The following SMAD1 variants were observed in gnomAD, a reference collection of about 807,000 sequenced individuals.
The protein encoded by SMAD1 is MAD, mothers against decapentaplegic homolog 1.
Under a neutral mutation model 41.6 loss-of-function variants are expected in SMAD1, and 6 were observed. The ratio of observed to expected loss-of-function variants is 0.14; its 90% confidence interval spans 0.08 to 0.28. The LOEUF (loss-of-function observed/expected upper bound fraction) is 0.28, where lower values mean the gene tolerates loss of function less well. Ranked by LOEUF, SMAD1 falls within the 10% of genes least tolerant of loss-of-function variation. SMAD1 has a pLI of 1.00. For synonymous variants in SMAD1, 206 were observed against 203.2 expected (o/e 1.01, Z -0.12); for missense variants, 379 against 582.6 (o/e 0.65, Z 3.60).
chr4:145,483,359 T>G (rs1290777348), intron 1 of SMAD1, among the ~76,000 whole-genome samples: 2 of 152,250 alleles, frequency 1.3e-5, no homozygotes, highest in Admixed American at 1.3e-4. Flanking sequence ...TCTCTGGGTC[T>G]AATTGCCTGT....
intron 1 of SMAD1, among the ~76,000 whole-genome samples, chr4:145,495,616 CTTTTTTT>C (rs58468364): frequency 1.6e-5 from 2 of 127,046 alleles, no homozygotes; most frequent in African/African-American, 3.0e-5. Flanking sequence ...AATTAATTTC[CTTTTTTT>C]TTTTTTTTTT....
chr4:145,513,474 T>A (rs1306380167), intron 1 of SMAD1: 1 of 152,236 alleles, frequency 6.6e-6, no homozygotes, highest in Non-Finnish European at 1.5e-5. Context: ...GGCTAAAGAA[T>A]TTGGTACAGT....
At position 145,553,765 on chromosome 4, in the gene SMAD1, A is replaced by G; in HGVS notation, c.998-19A>G. ...TAAAAATTAATAATAACTAAATGGT[A>G]TGCTTTGTCTTCCTATAGGAGTTCA... On this transcript the variant is annotated intron_variant, in intron 5 of 6. Coordinates refer to ENST00000302085, the MANE Select transcript of SMAD1 (RefSeq NM_005900.3). 6.2e-7 allele frequency: 1 copy of G among 1,607,498 alleles called. No homozygotes were observed. Among genetic ancestry groups the G allele is most frequent in the East Asian group, 2.2e-5 (1 of 44,772 alleles).
rs942868152 is a variant in SMAD1, at chr4:145,482,874, T to C, written c.-177+836T>C. On this transcript the variant is annotated intron_variant, in intron 1 of 6. Transcript: ENST00000302085. This position sits in a 1 kb window ranked among gnomAD's most constrained non-coding sequence, Gnocchi z 4.2. ...TTACTCTGCTCCCTGTCTTTGTTAG[T>C]GTTTCTCGGGGTTGTTTCTGTAGGA... 6.6e-6 allele frequency: 1 copy of C among 152,350 alleles called. No individual in the cohort carries two copies. The highest frequency in any genetic ancestry group is 1.9e-4 in the East Asian group (1 of 5,204). The allele number at this position is 152,350 out of a possible 1,614,324, so 9.4% of individuals were successfully genotyped here.
chr4:145,557,624 A>G (rs1242998207), intron 6 of SMAD1, among the ~76,000 whole-genome samples, 167 bp from the exon 7 acceptor site: 1 of 151,972 alleles, frequency 6.6e-6, no homozygotes, highest in African/African-American at 2.4e-5. Flanking sequence ...CTGCGAAATT[A>G]TGCGTGCGTT....
chr4:145,494,623 G>A (rs1157989730), intron 1 of SMAD1, among the ~76,000 whole-genome samples: 5 of 152,146 alleles, frequency 3.3e-5, no homozygotes, highest in African/African-American at 1.2e-4. Flanking sequence ...TCCTATTGAA[G>A]GGTTATGGTA....
intron 6 of SMAD1, 65 bp from the exon 7 acceptor site, chr4:145,557,726 T>C (rs1370881823): frequency 7.8e-7 from 1 of 1,288,018 alleles, no homozygotes; most frequent in Admixed American, 2.0e-5. Flanking sequence ...TGTGAACTCT[T>C]CTTACTTAAT....
chr4:145,537,629 A>C (rs1731687778), intron 2 of SMAD1, among the ~76,000 whole-genome samples: 1 of 152,156 alleles, frequency 6.6e-6, no homozygotes, highest in Non-Finnish European at 1.5e-5. Context: ...TCATCAGATA[A>C]ATTGTAGTTT....
chr4:145,509,090 TG>T (rs1319967887), intron 1 of SMAD1, among the ~76,000 whole-genome samples: 2 of 152,222 alleles, frequency 1.3e-5, no homozygotes, highest in African/African-American at 4.8e-5. Context: ...GCACAGCACA[TG>T]GGCCTCTTCT....
In SMAD1 at chr4:145,514,811, C is replaced by T; in HGVS notation, c.198C>T (p.Thr66=). Residue 66 remains threonine, a synonymous_variant, in exon 2 of 7, where the codon ACC becomes ACT. Coordinates refer to ENST00000302085, the MANE Select transcript of SMAD1 (RefSeq NM_005900.3). The surrounding 1 kb of genome is among the most constrained non-coding windows in gnomAD (Gnocchi z 4.7). ...SCPGQPSNCV[T]IPRSLDGRLQ... ...CAGGGCAACCGAGTAACTGTGTCAC[C>T]ATTCCCCGCTCTCTGGATGGCAGGC... is the stretch of plus-strand genomic sequence containing the variant. The T allele has an allele frequency of 6.2e-7, 1 of 1,614,030 alleles. No homozygotes were observed. The highest frequency in any genetic ancestry group is 8.5e-7 in the Non-Finnish European group (1 of 1,179,990).
At chr4:145,527,375 C>A (rs1731076380) in intron 2 of SMAD1, among the ~76,000 whole-genome samples, 1 of 152,006 alleles carries the variant, frequency 6.6e-6, no homozygotes, top group Admixed American at 6.6e-5. Context: ...AGGCGCCCGC[C>A]ACTACGCCCA....
chr4:145,552,029 T>C (rs967366973), intron 5 of SMAD1, among the ~76,000 whole-genome samples: 16 of 152,180 alleles, frequency 1.1e-4, no homozygotes, highest in Non-Finnish European at 2.2e-4. Flanking sequence ...ATTTTAAATG[T>C]TTGCAAAGAC....
chr4:145,495,298 A>G lies in SMAD1; in HGVS notation c.-177+13260A>G, dbSNP rs185377668. ...ATGACCGTTTCTGCCACACCAGCAC[A>G]CAGTTTGTGTGCTTTATCTTCCCAC... On this transcript the variant is annotated intron_variant, in intron 1 of 6. Coordinates refer to ENST00000302085, the MANE Select transcript of SMAD1 (RefSeq NM_005900.3). Among the ~76,000 whole-genome samples, 435 of 152,262 alleles carry G rather than the reference A, an allele frequency of 2.9e-3. 1 individual carries two copies. The highest frequency in any genetic ancestry group is 9.9e-3 in the African/African-American group (413 of 41,536).
intron 2 of SMAD1, among the ~76,000 whole-genome samples, chr4:145,529,569 C>T (rs767084550): frequency 2.6e-5 from 4 of 152,160 alleles, no homozygotes. Context: ...TGACAACATG[C>T]CTCTTGACCA....
Position 145,482,404 on chromosome 4 carries a change from G to GCCGCGCTCCCCTT in SMAD1, c.-177+373_-177+385dup, listed in dbSNP as rs1329197826. On this transcript the variant is annotated intron_variant, in intron 1 of 6. Coordinates refer to ENST00000302085, the MANE Select transcript of SMAD1 (RefSeq NM_005900.3). The surrounding 1 kb of genome is among the most constrained non-coding windows in gnomAD (Gnocchi z 4.2). The stretch of plus-strand genomic sequence containing the variant: ...GCCTGACCGCGCTGGGATCTCCCCG[G>GCCGCGCTCCCCTT]CCGCGCTCCCCTTCCGCGCGCTCCT... 1 of 152,166 alleles carries GCCGCGCTCCCCTT rather than the reference G, an allele frequency of 6.6e-6. No individual in the cohort carries two copies. Among genetic ancestry groups the GCCGCGCTCCCCTT allele is most frequent in the Non-Finnish European group, 1.5e-5 (1 of 68,238 alleles). 9.4% of individuals were successfully genotyped at this position (152,166 alleles called of 1,614,324 possible).
At chr4:145,545,241 T>G (rs907576517) in intron 4 of SMAD1, 4 of 152,210 alleles carry the variant, frequency 2.6e-5, no homozygotes, top group African/African-American at 9.6e-5. Context: ...ATTGGATAGT[T>G]GTGATAAAGA....
chr4:145,557,307 G>A (rs1169004176), intron 6 of SMAD1, among the ~76,000 whole-genome samples: 6 of 152,272 alleles, frequency 3.9e-5, no homozygotes, highest in Admixed American at 6.5e-5. Flanking sequence ...ACTCCTGCCC[G>A]TTTTGCTCAG....
chr4:145,529,477 A>G (rs1731211165), intron 2 of SMAD1, among the ~76,000 whole-genome samples: 1 of 152,184 alleles, frequency 6.6e-6, no homozygotes, highest in African/African-American at 2.4e-5. Flanking sequence ...CCTTTGGGGA[A>G]ACTGAGGTGG....
chr4:145,494,787 C>A (rs561960607), intron 1 of SMAD1, among the ~76,000 whole-genome samples: 2 of 152,282 alleles, frequency 1.3e-5, no homozygotes, highest in African/African-American at 4.8e-5. Context: ...TAGTTATGAA[C>A]CATGTCTTTT....
Sources: gnomAD v4.1 joint callset for allele counts (sites outside exome capture counted in the v4.1 genomes callset) on GRCh38, gnomAD v4.1.1 for gene constraint, Gnocchi (gnomAD v3.1) non-coding constraint, MANE v1.5 for transcripts, NCBI Gene and HGNC (gene_info 2026-07-23, HGNC 2026-07-21) for gene names.